Variants in WWOX observed in about 807,000 individuals in gnomAD.
The protein encoded by WWOX is WW domain containing oxidoreductase.
Under a neutral mutation model 46.2 loss-of-function variants are expected in WWOX, and 69 were observed. The observed-to-expected ratio is 1.49, with a 90% CI of 1.23 to 1.82. The LOEUF is 1.82. Ranked by LOEUF, WWOX falls within the 40% of genes most tolerant of loss-of-function variation. WWOX has a pLI of 0.00. For synonymous variants in WWOX, 359 were observed against 202.6 expected (o/e 1.77, Z -6.56); for missense variants, 919 against 542.6 (o/e 1.69, Z -6.89).
intron 8 of WWOX, among the ~76,000 whole-genome samples, chr16:78,929,624 C>G (rs1291915151): frequency 1.3e-5 from 2 of 152,136 alleles, no homozygotes; most frequent in Non-Finnish European, 2.9e-5. Context: ...TTGCCAGGCC[C>G]TGCTTCTATT....
At chr16:78,285,665 G>A (rs770382677) in intron 5 of WWOX, among the ~76,000 whole-genome samples, 36 of 152,198 alleles carry the variant, frequency 2.4e-4, no homozygotes, top group Middle Eastern at 6.8e-3. Context: ...CCATTCTGAC[G>A]GACTCTCGGA....
chr16:78,233,679 A>C (rs561527903), intron 5 of WWOX, among the ~76,000 whole-genome samples: 1 of 151,966 alleles, frequency 6.6e-6, no homozygotes, highest in East Asian at 2.0e-4. Flanking sequence ...GGCGCCTGCC[A>C]CTACACCTGG....
chr16:78,979,089 T>C (rs1011335889), intron 8 of WWOX, among the ~76,000 whole-genome samples: 15 of 151,298 alleles, frequency 9.9e-5, no homozygotes, highest in African/African-American at 3.2e-4. Context: ...TCAGTCTTTT[T>C]TTTTTTTTTT....
At chr16:78,997,110 A>T (rs943074593) in intron 8 of WWOX, among the ~76,000 whole-genome samples, 1 of 151,154 alleles carries the variant, frequency 6.6e-6, no homozygotes, top group African/African-American at 2.4e-5. Context: ...TCTGCTCTTC[A>T]ATGTAGACAT....
intron 8 of WWOX, among the ~76,000 whole-genome samples, chr16:78,572,602 CAAAAA>C (rs35178787): frequency 9.6e-5 from 4 of 41,502 alleles, no homozygotes; most frequent in Non-Finnish European, 1.8e-4. Flanking sequence ...GACTCTGTCT[CAAAAA>C]AAAAAAAAAA....
intron 8 of WWOX, among the ~76,000 whole-genome samples, chr16:78,531,227 T>G (rs2043613778): frequency 6.6e-6 from 1 of 152,206 alleles, no homozygotes; most frequent in Non-Finnish European, 1.5e-5. Flanking sequence ...TTACATTCAG[T>G]GCTGGGAGTC....
At chr16:78,403,207 C>G (rs549950105) in intron 6 of WWOX, among the ~76,000 whole-genome samples, 4 of 152,112 alleles carry the variant, frequency 2.6e-5, no homozygotes, top group African/African-American at 4.8e-5. Flanking sequence ...CAATTTTTTT[C>G]TTATTGTTTG....
chr16:78,546,485 C>T (rs994893094), intron 8 of WWOX, among the ~76,000 whole-genome samples: 1 of 152,154 alleles, frequency 6.6e-6, no homozygotes, highest in Non-Finnish European at 1.5e-5. Flanking sequence ...TTAATTACAT[C>T]TCATATTGTG....
chr16:78,511,528 G>C (rs2085360342), intron 8 of WWOX, among the ~76,000 whole-genome samples: 1 of 152,160 alleles, frequency 6.6e-6, no homozygotes, highest in Non-Finnish European at 1.5e-5. Flanking sequence ...AAATGCCCAG[G>C]CCCTTTGAAC....
chr16:78,700,881 C>G (rs2048201136), intron 8 of WWOX, among the ~76,000 whole-genome samples: 1 of 152,158 alleles, frequency 6.6e-6, no homozygotes, highest in African/African-American at 2.4e-5. Context: ...TTATTGAAAA[C>G]CAACCCAAAG....
chr16:78,796,359 A>G (rs191742657), intron 8 of WWOX, among the ~76,000 whole-genome samples: 368 of 152,336 alleles, frequency 2.4e-3, no homozygotes, highest in African/African-American at 8.4e-3. Context: ...AGGGGAAGAA[A>G]AAGTACAAGT....
chr16:79,058,291 G>C (rs2048301653), intron 8 of WWOX, among the ~76,000 whole-genome samples: 1 of 152,072 alleles, frequency 6.6e-6, no homozygotes, highest in Non-Finnish European at 1.5e-5. Context: ...TATAAAATGA[G>C]AGAGAAAAAA....
At chr16:78,675,447 T>C (rs530119961) in intron 8 of WWOX, among the ~76,000 whole-genome samples, 2 of 152,366 alleles carry the variant, frequency 1.3e-5, no homozygotes, top group Non-Finnish European at 2.9e-5. Context: ...TGGTTATTTA[T>C]TTAACAAATA....
At chr16:78,811,187 C>G (rs940508853) in intron 8 of WWOX, among the ~76,000 whole-genome samples, 3 of 152,194 alleles carry the variant, frequency 2.0e-5, no homozygotes, top group Non-Finnish European at 4.4e-5. Flanking sequence ...TGTTTTGTGA[C>G]ATTCTTAGTT....
chr16:78,615,427 T>C (rs914271206), intron 8 of WWOX, among the ~76,000 whole-genome samples: 1 of 152,008 alleles, frequency 6.6e-6, no homozygotes, highest in Non-Finnish European at 1.5e-5. Flanking sequence ...GGCAGGAGGA[T>C]CTCCTGAAGC....
intron 8 of WWOX, among the ~76,000 whole-genome samples, chr16:78,889,237 C>G (rs143676583): frequency 6.6e-6 from 1 of 152,146 alleles, no homozygotes; most frequent in Non-Finnish European, 1.5e-5. Context: ...TATTAAAATA[C>G]AGCTCCACTC....
At chr16:78,250,724 A>G (rs544295158) in intron 5 of WWOX, among the ~76,000 whole-genome samples, 5 of 152,292 alleles carry the variant, frequency 3.3e-5, no homozygotes, top group Non-Finnish European at 5.9e-5. Flanking sequence ...ACATACAGAA[A>G]TGGTCCAGTG....
rs144851775 is a variant in WWOX at position 78,609,361 on chromosome 16, A to T, written c.1056+176609A>T. 1.6e-3 allele frequency among the ~76,000 whole-genome samples: 249 copies of T among 152,202 alleles called. 1 individual carries two copies. Among genetic ancestry groups the T allele is most frequent in the African/African-American group, 5.8e-3 (241 of 41,538 alleles). ...ACTGATGTATTTTATTTTCTTGCTCAGAGAGGAAACACTGAAATAGCTATA... is the reference window on the plus strand; with the variant it reads ...ACTGATGTATTTTATTTTCTTGCTCTGAGAGGAAACACTGAAATAGCTATA... On this transcript the variant is annotated intron_variant, in intron 8 of 8. Coordinates refer to ENST00000566780, the MANE Select transcript of WWOX (RefSeq NM_016373.4).
At chr16:79,021,167 A>C (rs1431560662) in intron 8 of WWOX, among the ~76,000 whole-genome samples, 1 of 152,234 alleles carries the variant, frequency 6.6e-6, no homozygotes, top group South Asian at 2.1e-4. Flanking sequence ...GAATATGTTT[A>C]TAAAGACAAG....
Sources: gnomAD v4.1 joint callset for allele counts (sites outside exome capture counted in the v4.1 genomes callset) on GRCh38, gnomAD v4.1.1 for gene constraint, MANE v1.5 for transcripts, NCBI Gene and HGNC (gene_info 2026-07-23, HGNC 2026-07-21) for gene names.